The following PRKD1 variants were observed in gnomAD, a reference collection of about 807,000 sequenced individuals.
PRKD1 encodes the protein protein kinase D1.
A neutral mutation model predicts 95.9 loss-of-function variants in PRKD1; 63 were observed. The observed-to-expected ratio is 0.66, with a 90% CI of 0.54 to 0.81. The LOEUF is 0.81. Ranked by LOEUF, PRKD1 falls within the 30% of genes least tolerant of loss-of-function variation. The pLI, the probability that PRKD1 is intolerant of heterozygous loss-of-function variation, is 0.00. For missense variants in PRKD1, 1,048 were observed against 1,165.3 expected (o/e 0.90, Z 1.47); for synonymous variants, 425 against 423.1 (o/e 1.00, Z -0.05).
intron 6 of PRKD1, among the ~76,000 whole-genome samples, chr14:29,636,761 C>T (rs1880411245): frequency 6.6e-6 from 1 of 151,994 alleles, no homozygotes; most frequent in Non-Finnish European, 1.5e-5. Flanking sequence ...GTTATTTTTC[C>T]TGATCCTCCC....
chr14:29,881,788 C>A (rs527491291), intron 1 of PRKD1, among the ~76,000 whole-genome samples: 1 of 152,164 alleles, frequency 6.6e-6, no homozygotes, highest in South Asian at 2.1e-4. Context: ...TTGTCCTTAT[C>A]TAATTGAACT....
At chr14:29,673,971 T>C (rs1483111410) in intron 2 of PRKD1, among the ~76,000 whole-genome samples, 4 of 152,128 alleles carry the variant, frequency 2.6e-5, no homozygotes, top group African/African-American at 7.2e-5. Context: ...TCAGTGTCCC[T>C]TTCTATAAAA....
intron 2 of PRKD1, among the ~76,000 whole-genome samples, chr14:29,704,308 T>C (rs978209976): frequency 6.6e-6 from 1 of 152,186 alleles, no homozygotes; most frequent in Non-Finnish European, 1.5e-5. Flanking sequence ...ACTCAATTCC[T>C]ATGGAATGGT....
At chr14:29,594,492 C>T (rs1163653556) in intron 16 of PRKD1, among the ~76,000 whole-genome samples, 4 of 152,048 alleles carry the variant, frequency 2.6e-5, no homozygotes, top group Non-Finnish European at 5.9e-5. Context: ...TTTGTAAAAC[C>T]TCATTATGTA....
intron 16 of PRKD1, among the ~76,000 whole-genome samples, chr14:29,590,490 G>A (rs375696884): frequency 6.6e-6 from 1 of 152,060 alleles, no homozygotes; most frequent in African/African-American, 2.4e-5. Context: ...TTATGAACTC[G>A]GTGGATGTGA....
At chr14:29,719,701 T>A (rs1396177845) in intron 2 of PRKD1, among the ~76,000 whole-genome samples, 1 of 152,220 alleles carries the variant, frequency 6.6e-6, no homozygotes, top group Admixed American at 6.5e-5. Context: ...ATTACTTACA[T>A]AAACTGCTTC....
rs551292219 is a variant in PRKD1, at chr14:29,680,716, A to C, written c.404-14508T>G. Reference sequence around the variant, plus strand: ...ACTCCATCGGCAGAAGCAAATTTAAAATGAAGCCAAGGTGAAGACTAGGGG... The same window carrying C: ...ACTCCATCGGCAGAAGCAAATTTAACATGAAGCCAAGGTGAAGACTAGGGG... On this transcript the variant is annotated intron_variant, in intron 2 of 17. Coordinates refer to ENST00000331968, the MANE Select transcript of PRKD1 (RefSeq NM_002742.3). Among the ~76,000 whole-genome samples the C allele has an allele frequency of 7.9e-5, 12 of 152,346 alleles. No individual in the cohort carries two copies. In the South Asian group the frequency reaches 2.3e-3, roughly 29 times the overall value.
chr14:29,663,641 C>G (rs1417513002), intron 4 of PRKD1, 58 bp downstream of exon 4: 1 of 1,574,610 alleles, frequency 6.4e-7, no homozygotes. Flanking sequence ...ACATTGCTAT[C>G]ACATCACCCC....
At chr14:29,692,219 T>C (rs1884279783) in intron 2 of PRKD1, among the ~76,000 whole-genome samples, 1 of 151,880 alleles carries the variant, frequency 6.6e-6, no homozygotes, top group African/African-American at 2.4e-5. Context: ...CATTTTTTTT[T>C]TTTAAATATA....
intron 1 of PRKD1, among the ~76,000 whole-genome samples, chr14:29,901,102 A>G (rs74637267): frequency 0.022 from 3,309 of 152,306 alleles, 68 homozygotes; most frequent in African/African-American, 0.055. Context: ...GCCCTTCAAC[A>G]GTGAACTGGA....
chr14:29,648,816 A>G (rs1380479458), intron 4 of PRKD1, among the ~76,000 whole-genome samples: 1 of 151,972 alleles, frequency 6.6e-6, no homozygotes, highest in Admixed American at 6.6e-5. Flanking sequence ...CACCATGCCC[A>G]GCTAATTTTT....
chr14:29,761,356 A>G (rs1887972347), intron 1 of PRKD1, among the ~76,000 whole-genome samples: 1 of 152,192 alleles, frequency 6.6e-6, no homozygotes, highest in Non-Finnish European at 1.5e-5. Context: ...GTAACTTGGG[A>G]CTGTCTGAGT....
intron 1 of PRKD1, among the ~76,000 whole-genome samples, chr14:29,895,899 T>C (rs931988130): frequency 4.6e-5 from 7 of 152,218 alleles, no homozygotes; most frequent in Admixed American, 4.6e-4. Context: ...CCAGTTTTCC[T>C]TAACCATACT....
intron 1 of PRKD1, among the ~76,000 whole-genome samples, chr14:29,901,551 G>C (rs1482204075): frequency 6.6e-6 from 1 of 152,080 alleles, no homozygotes; most frequent in Non-Finnish European, 1.5e-5. Context: ...GTCAAACTTT[G>C]TCAAAAGCTG....
intron 1 of PRKD1, among the ~76,000 whole-genome samples, chr14:29,786,860 C>T (rs540840577): frequency 2.0e-5 from 3 of 151,540 alleles, no homozygotes; most frequent in African/African-American, 7.3e-5. Flanking sequence ...TTATTTCTTT[C>T]CTTCAACTAA....
At chr14:29,639,656 A>AAAAG (rs1267600801) in intron 4 of PRKD1, among the ~76,000 whole-genome samples, 1 of 151,810 alleles carries the variant, frequency 6.6e-6, no homozygotes, top group African/African-American at 2.4e-5. Context: ...AAGAAAAAGA[A>AAAAG]AAAGAAAGAA....
intron 1 of PRKD1, among the ~76,000 whole-genome samples, chr14:29,738,758 T>TTTCCTTCCTTCC (rs141407844): frequency 6.6e-6 from 1 of 151,096 alleles, no homozygotes; most frequent in Non-Finnish European, 1.5e-5. Context: ...TCTTTCTTTC[T>TTTCCTTCCTTCC]TTCCTTCCTT....
intron 1 of PRKD1, among the ~76,000 whole-genome samples, chr14:29,815,901 C>T (rs1479358983): frequency 6.6e-6 from 1 of 152,038 alleles, no homozygotes; most frequent in African/African-American, 2.4e-5. Context: ...TAGGTATAAG[C>T]AAAGGGAGCA....
At chr14:29,770,328 G>A (rs1888445536) in intron 1 of PRKD1, among the ~76,000 whole-genome samples, 1 of 152,200 alleles carries the variant, frequency 6.6e-6, no homozygotes. Flanking sequence ...AATGAGTAAA[G>A]GCTGGGAAAG....
Sources: gnomAD v4.1 joint callset for allele counts (sites outside exome capture counted in the v4.1 genomes callset) on GRCh38, gnomAD v4.1.1 for gene constraint, MANE v1.5 for transcripts, NCBI Gene and HGNC (gene_info 2026-07-23, HGNC 2026-07-21) for gene names.